The following NRG3 variants were observed in gnomAD, a reference collection of about 807,000 sequenced individuals.
NRG3 encodes the protein pro-neuregulin-3, membrane-bound isoform.
Under a neutral mutation model 66.9 loss-of-function variants are expected in NRG3, and 31 were observed. The observed-to-expected ratio is 0.46, with a 90% CI of 0.35 to 0.63. The LOEUF (loss-of-function observed/expected upper bound fraction) is 0.63, where lower values mean the gene tolerates loss of function less well. NRG3 is among the 20% of genes least tolerant of loss of function. NRG3 has a pLI of 0.00. For missense variants in NRG3, 910 were observed against 878.9 expected (o/e 1.04, Z -0.45); for synonymous variants, 393 against 359.4 (o/e 1.09, Z -1.06).
intron 1 of NRG3, among the ~76,000 whole-genome samples, chr10:82,022,770 AAAAACAC>A (rs2062120584): frequency 6.6e-6 from 1 of 152,094 alleles, no homozygotes; most frequent in African/African-American, 2.4e-5. Flanking sequence ...TGTAAGTGGA[AAAAACAC>A]ACTGAGTTTC....
At chr10:82,583,467 G>T (rs1380822788) in intron 2 of NRG3, among the ~76,000 whole-genome samples, 1 of 152,094 alleles carries the variant, frequency 6.6e-6, no homozygotes, top group East Asian at 1.9e-4. Context: ...TGTTCTTGTT[G>T]CTTCTATATT....
At chr10:81,928,737 T>C (rs1271463485) in intron 1 of NRG3, among the ~76,000 whole-genome samples, 1 of 152,238 alleles carries the variant, frequency 6.6e-6, no homozygotes, top group African/African-American at 2.4e-5. Context: ...AGAGCCGTAA[T>C]AGTATTTTAA....
intron 2 of NRG3, among the ~76,000 whole-genome samples, chr10:82,499,564 T>C (rs779221229): frequency 6.6e-6 from 1 of 152,132 alleles, no homozygotes; most frequent in Non-Finnish European, 1.5e-5. Context: ...AGCTTCGTTT[T>C]CTTAAATATA....
At chr10:82,670,535 G>A (rs2053186725) in intron 2 of NRG3, among the ~76,000 whole-genome samples, 1 of 152,086 alleles carries the variant, frequency 6.6e-6, no homozygotes, top group African/African-American at 2.4e-5. Flanking sequence ...TATCAAACCT[G>A]TAGGAAGATT....
chr10:81,934,064 C>T (rs982777033), intron 1 of NRG3, among the ~76,000 whole-genome samples: 8 of 152,090 alleles, frequency 5.3e-5, no homozygotes, highest in Non-Finnish European at 8.8e-5. Flanking sequence ...CTTTCAAGTC[C>T]GTATCTCCAA....
At chr10:81,968,937 G>A (rs1052794695) in intron 1 of NRG3, among the ~76,000 whole-genome samples, 1 of 152,198 alleles carries the variant, frequency 6.6e-6, no homozygotes, top group Non-Finnish European at 1.5e-5. Context: ...GAGGTTGTTA[G>A]GTCTAGAGTG....
intron 1 of NRG3, among the ~76,000 whole-genome samples, chr10:82,103,817 C>T (rs2066901025): frequency 6.6e-6 from 1 of 151,918 alleles, no homozygotes; most frequent in Admixed American, 6.6e-5. Flanking sequence ...CCATTATCAT[C>T]ACAGGAGTGC....
intron 3 of NRG3, among the ~76,000 whole-genome samples, chr10:82,801,015 G>A (rs2061011836): frequency 1.3e-5 from 2 of 152,200 alleles, no homozygotes; most frequent in Non-Finnish European, 2.9e-5. Context: ...GCAAAGGCAA[G>A]GTTATGAAAG....
At chr10:82,269,576 C>T (rs1159879946) in intron 1 of NRG3, among the ~76,000 whole-genome samples, 1 of 151,914 alleles carries the variant, frequency 6.6e-6, no homozygotes, top group African/African-American at 2.4e-5. Context: ...AAGACAAGCT[C>T]TTCATCTCTC....
intron 1 of NRG3, among the ~76,000 whole-genome samples, chr10:82,007,975 A>G (rs1344336106): frequency 6.6e-6 from 1 of 152,050 alleles, no homozygotes; most frequent in Non-Finnish European, 1.5e-5. Flanking sequence ...TTATTTACTC[A>G]TTATTATCTT....
intron 1 of NRG3, among the ~76,000 whole-genome samples, chr10:81,997,265 G>A (rs10884019): frequency 0.12 from 17,699 of 152,126 alleles, 1,318 homozygotes; most frequent in East Asian, 0.38. Flanking sequence ...GTGTGCTTTG[G>A]CCTCCAGCTA....
chr10:82,443,267 G>A (rs1026745292), intron 2 of NRG3, among the ~76,000 whole-genome samples: 1 of 152,010 alleles, frequency 6.6e-6, no homozygotes, highest in Admixed American at 6.6e-5. Context: ...TACAAATGAT[G>A]AGTAGCCTAG....
chr10:82,847,657 C>T (rs1332385771), intron 3 of NRG3, among the ~76,000 whole-genome samples: 1 of 152,084 alleles, frequency 6.6e-6, no homozygotes. Context: ...ATACTTCAGT[C>T]AGATGTATTT....
At chr10:82,353,271 A>G (rs77551041) in intron 1 of NRG3, among the ~76,000 whole-genome samples, 5,234 of 152,322 alleles carry the variant, frequency 0.034, 134 homozygotes, top group African/African-American at 0.075. Context: ...TGCCAGCAAC[A>G]TAGAAACCTC....
chr10:82,177,383 A>T (rs1270443129), intron 1 of NRG3, among the ~76,000 whole-genome samples: 1 of 152,168 alleles, frequency 6.6e-6, no homozygotes, highest in African/African-American at 2.4e-5. Context: ...TATTTTAATT[A>T]TTTTTAAAAG....
intron 2 of NRG3, among the ~76,000 whole-genome samples, chr10:82,717,236 T>G (rs2134455748): frequency 6.6e-6 from 1 of 152,252 alleles, no homozygotes; most frequent in South Asian, 2.1e-4. Context: ...AGCCCTGAGC[T>G]TGTATTATAT....
Position 82,672,825 on chromosome 10 carries a change from C to T in NRG3, c.954-65752C>T, listed in dbSNP as rs190420414. ...AGTGCAGTGGCACGATCTCGGCTTA[C>T]TGCAACTTTCGCCTCCCAGGTTCAA... On this transcript the variant is annotated intron_variant, in intron 2 of 8. Transcript: ENST00000372141. Among the ~76,000 whole-genome samples the T allele has an allele frequency of 2.3e-4, 35 of 152,322 alleles. No homozygotes were observed. In the East Asian group the frequency reaches 5.0e-3, roughly 22 times the overall value.
intron 2 of NRG3, among the ~76,000 whole-genome samples, chr10:82,588,711 C>T (rs973072362): frequency 2.0e-5 from 3 of 152,086 alleles, no homozygotes; most frequent in South Asian, 2.1e-4. Context: ...CTGTGTTAGC[C>T]AGGATGGTCT....
intron 1 of NRG3, among the ~76,000 whole-genome samples, chr10:82,005,233 A>C (rs2061338220): frequency 6.6e-6 from 1 of 152,090 alleles, no homozygotes; most frequent in African/African-American, 2.4e-5. Context: ...GGTAGATATG[A>C]CTCTATGCTG....
Sources: gnomAD v4.1 joint callset for allele counts (sites outside exome capture counted in the v4.1 genomes callset) on GRCh38, gnomAD v4.1.1 for gene constraint, MANE v1.5 for transcripts, NCBI Gene and HGNC (gene_info 2026-07-23, HGNC 2026-07-21) for gene names.